Variants in ARID3A observed in about 807,000 individuals in gnomAD.
The protein encoded by ARID3A is AT-rich interactive domain-containing protein 3A.
A neutral mutation model predicts 52.7 loss-of-function variants in ARID3A; 11 were observed. The ratio of observed to expected loss-of-function variants is 0.21; its 90% CI spans 0.13 to 0.35. ARID3A has a LOEUF of 0.35. Ranked by LOEUF, ARID3A falls within the 10% of genes least tolerant of loss-of-function variation. The pLI is 1.00. For synonymous variants in ARID3A, 404 were observed against 359.4 expected, an observed-to-expected ratio of 1.12 and a Z score of -1.40; for missense variants, 721 against 838.5, an observed-to-expected ratio of 0.86 and a Z score of 1.73.
intron 1 of ARID3A, among the ~76,000 whole-genome samples, chr19:927,325 T>G (rs2037222222): frequency 2.1e-5 from 3 of 142,296 alleles, no homozygotes; most frequent in Admixed American, 7.0e-5. Context: ...GGGGGAGGGG[T>G]CTGAAGGGGG....
At chr19:932,134 G>A (rs2037343768) in intron 2 of ARID3A, among the ~76,000 whole-genome samples, 1 of 152,092 alleles carries the variant, frequency 6.6e-6, no homozygotes, top group South Asian at 2.1e-4. Context: ...GTGCTGCCGG[G>A]ATTATAGGTG....
rs567070335 is a variant in ARID3A at position 939,368 on chromosome 19, C to T, written c.693+6626C>T. ...TCCTGACCTCGTGATCTGCCCGCCTCGGCCTCCCAGAGTGCTGGGATGACA... is the reference window on the plus strand; with the variant it reads ...TCCTGACCTCGTGATCTGCCCGCCTTGGCCTCCCAGAGTGCTGGGATGACA... On this transcript the variant is annotated intron_variant, in intron 3 of 8. Transcript: ENST00000263620. Among the ~76,000 whole-genome samples, 407 of 152,282 alleles carry T rather than the reference C, an allele frequency of 2.7e-3. 1 individual carries two copies. The highest frequency in any genetic ancestry group is 4.7e-3 in the Non-Finnish European group (321 of 68,024).
Position 932,681 on chromosome 19 carries a change from T to A in ARID3A, c.632T>A (p.Val211Glu). The change falls in exon 3 of 9, where the codon GTA becomes GAA. Residue 211 changes from valine (V) to glutamate (E), a missense_variant. Coordinates refer to ENST00000263620, the MANE Select transcript of ARID3A (RefSeq NM_005224.3). ...GCCCACCCCGGAGGGGCCGCCCACG[T>A]AGCCCCGCAGCTGCAGCCGCCTGAC... Reference protein sequence around the residue: ...GPAHPGGAAHVAPQLQPPDHG... With the variant: ...GPAHPGGAAHEAPQLQPPDHG... The A allele has an allele frequency of 6.5e-7, 1 of 1,546,490 alleles. No homozygotes were observed. Among genetic ancestry groups the A allele is most frequent in the Non-Finnish European group, 8.7e-7 (1 of 1,146,224 alleles).
In ARID3A at chr19:973,959, CTG is replaced by C. The variant is rs2038332426; in HGVS notation, c.*1895_*1896del. ...GGCTGTCGTGTCCTACACGGGAGCTCTGGGCTTTCATTTCTCTTGGGGTGCAG... is the reference window on the plus strand; with the variant it reads ...GGCTGTCGTGTCCTACACGGGAGCTCGGCTTTCATTTCTCTTGGGGTGCAG... On this transcript the variant is annotated 3_prime_UTR_variant, in exon 9 of 9. Transcript: ENST00000263620. The C allele has an allele frequency of 4.3e-6, 1 of 230,950 alleles. No homozygotes were observed. The allele number at this position is 230,950 out of a possible 1,614,324, so 14.3% of individuals were successfully genotyped here. A position where few individuals can be genotyped will look rare whatever the true frequency, so the allele number is the denominator to read the frequency against.
In ARID3A at chr19:959,759, G is replaced by T. The variant is rs1209297944; in HGVS notation, c.694-333G>T. On this transcript the variant is annotated intron_variant, in intron 3 of 8. Coordinates refer to ENST00000263620, the MANE Select transcript of ARID3A (RefSeq NM_005224.3). The surrounding 1 kb of genome is among the most constrained non-coding windows in gnomAD (Gnocchi z 5.0). ...ACGGTCTTGTGGAGACGGAGGCAGA[G>T]ACTGGAGCGCTGCGGCCACAAGCCA... 6.6e-6 allele frequency among the ~76,000 whole-genome samples: 1 copy of T among 152,170 alleles called. No individual in the cohort carries two copies. The highest frequency in any genetic ancestry group is 1.5e-5 in the Non-Finnish European group (1 of 68,018).
Position 960,244 on chromosome 19 carries a change from G to A in ARID3A, c.766+80G>A, listed in dbSNP as rs2038011520. 1 of 1,363,596 alleles carries A rather than the reference G, an allele frequency of 7.3e-7. No individual in the cohort carries two copies. The highest frequency in any genetic ancestry group is 1.3e-5 in the South Asian group (1 of 74,236). The allele number at this position is 1,363,596 out of a possible 1,614,324, so 84.5% of individuals were successfully genotyped here. ...GAGGGGCCCTACTGGCTCCAGGTAT[G>A]TCGGGGCGGTGGTGAGCACCCCGTG... On this transcript the variant is annotated intron_variant, in intron 4 of 8. Transcript: ENST00000263620. This position sits in a 1 kb window ranked among gnomAD's most constrained non-coding sequence, Gnocchi z 4.3.
chr19:940,436 T>C (rs1375395375), intron 3 of ARID3A, among the ~76,000 whole-genome samples: 1 of 151,806 alleles, frequency 6.6e-6, no homozygotes, highest in African/African-American at 2.4e-5. Flanking sequence ...TTGAGGGCAC[T>C]TGGCAGGGTT....
rs2038293832 is a variant in ARID3A at position 972,238 on chromosome 19, TATATATATAC to T, written c.*175_*184del. ...AAGAAAAAAGATATATATATATATA[TATATATATAC>T]ACGTATATATATAAAGAGAATTTAA... On this transcript the variant is annotated 3_prime_UTR_variant, in exon 9 of 9. Coordinates refer to ENST00000263620, the MANE Select transcript of ARID3A (RefSeq NM_005224.3). 1.9e-5 allele frequency: 4 copies of T among 215,164 alleles called. No individual in the cohort carries two copies. The highest frequency in any genetic ancestry group is 5.8e-5 in the Admixed American group (1 of 17,122). The allele number at this position is 215,164 out of a possible 1,614,324, so 13.3% of individuals were successfully genotyped here.
At chr19:935,540 C>T (rs906447165) in intron 3 of ARID3A, among the ~76,000 whole-genome samples, 2 of 152,176 alleles carry the variant, frequency 1.3e-5, no homozygotes, top group African/African-American at 4.8e-5. Context: ...TGTAGTGGTG[C>T]TGTCCTAACT....
chr19:927,341 G>A (rs1296953799), intron 1 of ARID3A, among the ~76,000 whole-genome samples: 1 of 114,332 alleles, frequency 8.7e-6, no homozygotes, highest in Non-Finnish European at 1.8e-5. Flanking sequence ...GGGGGTGGGC[G>A]TAGCTAGTTT....
In ARID3A at chr19:929,619, C is replaced by A. The variant is rs920210954; in HGVS notation, c.91C>A (p.Pro31Thr). Residue 31 changes from proline to threonine, a missense_variant, in exon 2 of 9, where the codon CCC (proline) becomes ACC (threonine). Physicochemically the swap from Pro to Thr is conservative, Grantham distance 38 (BLOSUM62 -1). Coordinates refer to ENST00000263620, the MANE Select transcript of ARID3A (RefSeq NM_005224.3). This position sits in a 1 kb window ranked among gnomAD's most constrained non-coding sequence, Gnocchi z 6.2. ...GGCCCGGCAGCAGCTGCCCCCCGAT[C>A]CCCCTGCTGCACCCCCCGGCCGGGC... ...LEARQQLPPD[P>T]PAAPPGRARA... 2.6e-6 allele frequency: 4 copies of A among 1,524,652 alleles called. No homozygotes were observed. The highest frequency in any genetic ancestry group is 2.8e-5 in the African/African-American group (2 of 71,436). 94.4% of individuals were successfully genotyped at this position (1,524,652 alleles called of 1,614,324 possible).
chr19:944,236 G>C lies in ARID3A; in HGVS notation c.693+11494G>C, dbSNP rs917613936. On this transcript the variant is annotated intron_variant, in intron 3 of 8. Coordinates refer to ENST00000263620, the MANE Select transcript of ARID3A (RefSeq NM_005224.3). The surrounding 1 kb of genome is among the most constrained non-coding windows in gnomAD (Gnocchi z 5.9). ...CCGCCGGCACTGGAGTCCTGACGTC[G>C]GCAGCGCGGTGGAGGGCGGGCCTGT... 2.0e-5 allele frequency among the ~76,000 whole-genome samples: 3 copies of C among 151,940 alleles called. No homozygotes were observed. Among genetic ancestry groups the C allele is most frequent in the Admixed American group, 1.3e-4 (2 of 15,268 alleles).
Position 959,344 on chromosome 19 carries a change from G to A in ARID3A, c.694-748G>A, listed in dbSNP as rs2037991822. On this transcript the variant is annotated intron_variant, in intron 3 of 8. Transcript: ENST00000263620. This position sits in a 1 kb window ranked among gnomAD's most constrained non-coding sequence, Gnocchi z 5.0. ...GCTGGAGTGCAGTGGTGCGGTCTCG[G>A]CTCACTTCAGCCTCCACTGCCCAGG... Among the ~76,000 whole-genome samples, 1 of 152,142 alleles carries A rather than the reference G, an allele frequency of 6.6e-6. No homozygotes were observed. The highest frequency in any genetic ancestry group is 2.1e-4 in the South Asian group (1 of 4,832).
In ARID3A at chr19:951,707, G is replaced by A. The variant is rs181180090; in HGVS notation, c.694-8385G>A. Among the ~76,000 whole-genome samples, 351 of 152,322 alleles carry A rather than the reference G, an allele frequency of 2.3e-3. 1 individual carries two copies. Among genetic ancestry groups the A allele is most frequent in the Non-Finnish European group, 4.0e-3 (274 of 68,036 alleles). On this transcript the variant is annotated intron_variant, in intron 3 of 8. Coordinates refer to ENST00000263620, the MANE Select transcript of ARID3A (RefSeq NM_005224.3). ...GCCTGGGAGGCTCAGGCTGCTGCCCGGAGGGGGCGGCTGCTGACTCAGATC... is the reference window on the plus strand; with the variant it reads ...GCCTGGGAGGCTCAGGCTGCTGCCCAGAGGGGGCGGCTGCTGACTCAGATC...
rs541340608 is a variant in ARID3A at position 953,507 on chromosome 19, G to A, written c.694-6585G>A. Among the ~76,000 whole-genome samples, 22 of 152,194 alleles carry A rather than the reference G, an allele frequency of 1.4e-4. No homozygotes were observed. In the East Asian group the frequency reaches 4.3e-3, roughly 29 times the overall value. On this transcript the variant is annotated intron_variant, in intron 3 of 8. Transcript: ENST00000263620. ...CCCGTGCAGAGCCGGGGGAGTGTCAGGGTCGGGGGCCACAGCGTCTTCCCT... is the reference window on the plus strand; with the variant it reads ...CCCGTGCAGAGCCGGGGGAGTGTCAAGGTCGGGGGCCACAGCGTCTTCCCT...
chr19:965,233 C>A, intron 6 of ARID3A, 153 bp downstream of exon 6: 1 of 882,104 alleles, frequency 1.1e-6, no homozygotes, highest in Non-Finnish European at 1.7e-6. Context: ...CAGTCCTCTG[C>A]CTATGGCAGA....
chr19:937,179 G>A lies in ARID3A; in HGVS notation c.693+4437G>A, dbSNP rs148030839. Among the ~76,000 whole-genome samples, 113 of 151,222 alleles carry A rather than the reference G, an allele frequency of 7.5e-4. 3 individuals are homozygous for A. The East Asian group carries it at 0.016, about 22-fold the overall frequency. On this transcript the variant is annotated intron_variant, in intron 3 of 8. Transcript: ENST00000263620. ...GCACTCGGGAGGTTGAGACAGAACC[G>A]CTTGAACCCGGGAGGCGGAGATTGC...
At chr19:971,433 G>A (rs1187015900) in intron 8 of ARID3A, among the ~76,000 whole-genome samples, 1 of 152,184 alleles carries the variant, frequency 6.6e-6, no homozygotes, top group Non-Finnish European at 1.5e-5. Context: ...CCAACATGGT[G>A]AAACTCCGTC....
intron 3 of ARID3A, among the ~76,000 whole-genome samples, chr19:958,370 G>C (rs1398112133): frequency 3.2e-5 from 4 of 126,120 alleles, no homozygotes; most frequent in Non-Finnish European, 6.0e-5. Flanking sequence ...GGAGCTTGCA[G>C]TGGGCCAAGA....
Sources: allele counts gnomAD v4.1 joint callset (sites outside exome capture counted in the v4.1 genomes callset), GRCh38; gene constraint gnomAD v4.1.1; non-coding constraint Gnocchi (gnomAD v3.1); transcripts MANE v1.5; gene names NCBI Gene and HGNC (gene_info 2026-07-23, HGNC 2026-07-21).